NTS: variants seen among roughly 807,000 people sequenced by gnomAD.
NTS encodes the protein neurotensin.
In NTS, 20 loss-of-function variants were observed where a neutral mutation model predicts 19.5. That is an observed-to-expected ratio of 1.02 (90% CI 0.72 to 1.49). The LOEUF (loss-of-function observed/expected upper bound fraction) is 1.49, where lower values mean the gene tolerates loss of function less well. Ranked by LOEUF, NTS falls within the 40% of genes most tolerant of loss-of-function variation. The probability of loss-of-function intolerance (pLI) is 0.00; values close to 1 mark genes in which losing one functional copy is unlikely to be tolerated. For missense variants in NTS, 215 were observed against 193.1 expected (o/e 1.11, Z -0.67); for synonymous variants, 71 against 63.3 (o/e 1.12, Z -0.58).
intron 1 of NTS, 65 bp downstream of exon 1, chr12:85,874,541 C>T (rs1881288050): frequency 1.8e-6 from 2 of 1,114,804 alleles, no homozygotes; most frequent in Non-Finnish European, 2.7e-6. Flanking sequence ...CAGTGTGTTG[C>T]TACTTATGTT....
chr12:85,882,158 A>G, intron 3 of NTS, 65 bp from the exon 4 acceptor site: 1 of 1,287,356 alleles, frequency 7.8e-7, no homozygotes, highest in Non-Finnish European at 1.1e-6. Context: ...TAGAATGTAG[A>G]AAAATGCTCT....
intron 3 of NTS, among the ~76,000 whole-genome samples, chr12:85,879,920 G>C (rs1881464684): frequency 6.9e-6 from 1 of 144,560 alleles, no homozygotes; most frequent in Non-Finnish European, 1.5e-5. Flanking sequence ...TAAAAATATA[G>C]AATAAGGATA....
In NTS at chr12:85,876,514, T is replaced by G. The variant is rs539897879; in HGVS notation, c.74-126T>G. ...TAATTTGTTTTTTAGGATTACTATTTTTAAGAAAATACATAAGAAAGACAC... is the reference window on the plus strand; with the variant it reads ...TAATTTGTTTTTTAGGATTACTATTGTTAAGAAAATACATAAGAAAGACAC... On this transcript the variant is annotated intron_variant, in intron 1 of 3. Coordinates refer to ENST00000256010, the MANE Select transcript of NTS (RefSeq NM_006183.5). 1.1e-5 allele frequency: 5 copies of G among 474,076 alleles called. No individual in the cohort carries two copies. The East Asian group carries it at 1.7e-4, about 17-fold the overall frequency. The allele number at this position is 474,076 out of a possible 1,614,324, so 29.4% of individuals were successfully genotyped here.
At position 85,879,121 on chromosome 12, in the gene NTS, TTTTTATGTATA is replaced by T. The variant is rs1330399587; in HGVS notation, c.360+562_360+572del. On this transcript the variant is annotated intron_variant, in intron 3 of 3. Transcript: ENST00000256010. ...GTATATTTTATGTACGTAAAATATA[TTTTTATGTATA>T]TTTTATGTACGTAAAATATATTTTT... 9.0e-4 allele frequency among the ~76,000 whole-genome samples: 3 copies of T among 3,338 alleles called. No homozygotes were observed. The African/African-American group carries it at 0.01, about 11-fold the overall frequency. 2.2% of individuals were successfully genotyped at this position (3,338 alleles called of 152,430 possible).
chr12:85,881,689 A>C (rs1017484354), intron 3 of NTS, among the ~76,000 whole-genome samples: 1 of 152,058 alleles, frequency 6.6e-6, no homozygotes, highest in East Asian at 1.9e-4. Flanking sequence ...GGATAAAGCA[A>C]CTTTCATCCC....
At position 85,879,783 on chromosome 12, in the gene NTS, T is replaced by TA. The variant is rs1272047263; in HGVS notation, c.360+1214_360+1215insA. Among the ~76,000 whole-genome samples, 677 of 128,918 alleles carry TA rather than the reference T, an allele frequency of 5.3e-3. 104 individuals are homozygous for TA. The highest frequency in any genetic ancestry group is 8.0e-3 in the Non-Finnish European group (447 of 56,156). 84.6% of individuals were successfully genotyped at this position (128,918 alleles called of 152,430 possible). A position where few individuals can be genotyped will look rare whatever the true frequency, so the allele number is the denominator to read the frequency against. On this transcript the variant is annotated intron_variant, in intron 3 of 3. Coordinates refer to ENST00000256010, the MANE Select transcript of NTS (RefSeq NM_006183.5). ...TATTTTTGTATATAAAATATATTTT[T>TA]TGTATATTTTTGTATATAAAATATA...
At chr12:85,881,356 G>A (rs1881498635) in intron 3 of NTS, among the ~76,000 whole-genome samples, 1 of 151,950 alleles carries the variant, frequency 6.6e-6, no homozygotes, top group South Asian at 2.1e-4. Flanking sequence ...CAAATTAGAA[G>A]ACAACCAAAA....
At chr12:85,876,408 C>T (rs1289204941) in intron 1 of NTS, among the ~76,000 whole-genome samples, 1 of 151,886 alleles carries the variant, frequency 6.6e-6, no homozygotes, top group Non-Finnish European at 1.5e-5. Flanking sequence ...TGATCAATAG[C>T]TGTCTGAAAA....
chr12:85,877,771 T>G (rs952292357), intron 2 of NTS, among the ~76,000 whole-genome samples: 2 of 152,060 alleles, frequency 1.3e-5, no homozygotes, highest in African/African-American at 4.8e-5. Flanking sequence ...ACAACTGAAG[T>G]TAATAGTCCG....
chr12:85,880,652 A>G (rs1172412972), intron 3 of NTS, among the ~76,000 whole-genome samples: 2 of 152,216 alleles, frequency 1.3e-5, no homozygotes, highest in African/African-American at 4.8e-5. Context: ...TAAATTGTTT[A>G]GTATTTAAAA....
chr12:85,874,730 C>A (rs1472575599), intron 1 of NTS, among the ~76,000 whole-genome samples: 4 of 152,036 alleles, frequency 2.6e-5, no homozygotes, highest in Non-Finnish European at 5.9e-5. Flanking sequence ...TGGAATTCAA[C>A]AACTAGAGGG....
rs1308919862 is a variant in NTS, at chr12:85,878,405, A to G, written c.196A>G (p.Asn66Asp). ...MTLLNVCSLV[N>D]NLNSPAEETG... ...TCTGCTAAATGTTTGCAGTCTTGTA[A>G]ATAATTTGAACAGCCCAGCTGAGGA... The change falls in exon 3 of 4, where the codon AAT (asparagine) becomes GAT (aspartate). Residue 66 changes from asparagine (N) to aspartate (D), a missense_variant. Asn to Asp is a conservative substitution (Grantham distance 23, BLOSUM62 1). Coordinates refer to ENST00000256010, the MANE Select transcript of NTS (RefSeq NM_006183.5). 1 of 1,613,516 alleles carries G rather than the reference A, an allele frequency of 6.2e-7. No homozygotes were observed. Among genetic ancestry groups the G allele is most frequent in the Non-Finnish European group, 8.5e-7 (1 of 1,179,684 alleles).
rs907342289 is a variant in NTS, at chr12:85,882,568, T to C, written c.*193T>C. 10 of 498,318 alleles carry C rather than the reference T, an allele frequency of 2.0e-5. No individual in the cohort carries two copies. The highest frequency in any genetic ancestry group is 1.8e-4 in the African/African-American group (9 of 49,814). 30.9% of individuals were successfully genotyped at this position (498,318 alleles called of 1,614,324 possible). A position where few individuals can be genotyped will look rare whatever the true frequency, so the allele number is the denominator to read the frequency against. On this transcript the variant is annotated 3_prime_UTR_variant, in exon 4 of 4. Coordinates refer to ENST00000256010, the MANE Select transcript of NTS (RefSeq NM_006183.5). ...AAATAAATCTAAATCTTCAGCATGA[T>C]GTGTTGTGTATAATTGGAGTAGATA...
intron 3 of NTS, among the ~76,000 whole-genome samples, chr12:85,879,903 A>T (rs1002754001): frequency 2.7e-5 from 4 of 147,042 alleles, no homozygotes; most frequent in African/African-American, 9.8e-5. Context: ...AATATATTTT[A>T]TGTATATAAA....
At chr12:85,877,530 T>C (rs996740689) in intron 2 of NTS, among the ~76,000 whole-genome samples, 1 of 151,920 alleles carries the variant, frequency 6.6e-6, no homozygotes, top group Non-Finnish European at 1.5e-5. Context: ...CTGGGGTACA[T>C]GGGCAGGATG....
At chr12:85,875,135 A>C (rs1881311483) in intron 1 of NTS, among the ~76,000 whole-genome samples, 1 of 152,174 alleles carries the variant, frequency 6.6e-6, no homozygotes, top group Admixed American at 6.5e-5. Flanking sequence ...TACAATTGGA[A>C]AATTGGTATT....
intron 2 of NTS, among the ~76,000 whole-genome samples, chr12:85,876,982 A>G (rs192688548): frequency 4.5e-4 from 68 of 152,272 alleles, no homozygotes; most frequent in African/African-American, 1.6e-3. Context: ...ACTTGCTTCC[A>G]TGCCTTTTAC....
rs780890628 is a variant in NTS, at chr12:85,878,494, CT to C, written c.288del (p.Phe96LeufsTer7). On this transcript the variant is annotated frameshift_variant, in exon 3 of 4. Coordinates refer to ENST00000256010, the MANE Select transcript of NTS (RefSeq NM_006183.5). LOFTEE classifies it high-confidence loss of function. ...RRKLPTALDG[F>X]SLEAMLTIYQ... ...GGAAACTTCCTACTGCTTTAGATGG[CT>C]TTAGCTTGGAAGCAATGTTGACAAT... 1 of 1,613,872 alleles carries C rather than the reference CT, an allele frequency of 6.2e-7. No individual in the cohort carries two copies. The highest frequency in any genetic ancestry group is 1.1e-5 in the South Asian group (1 of 91,064).
rs1178494610 is a variant in NTS, at chr12:85,878,551, G to GGCTTTT, written c.343_348dup (p.Ala115_Phe116dup). 6.2e-7 allele frequency: 1 copy of GGCTTTT among 1,609,326 alleles called. No individual in the cohort carries two copies. Among genetic ancestry groups the GGCTTTT allele is most frequent in the Non-Finnish European group, 8.5e-7 (1 of 1,177,200 alleles). Reference sequence around the variant, plus strand: ...AGCTCCACAAAATCTGTCACAGCAGGGCTTTTCAACACTGGGAGGTATAGC... The same window carrying GGCTTTT: ...AGCTCCACAAAATCTGTCACAGCAGGGCTTTTGCTTTTCAACACTGGGAGGTATAGC... On this transcript the variant is annotated inframe_insertion, in exon 3 of 4. Transcript: ENST00000256010.
Sources: allele counts gnomAD v4.1 joint callset (sites outside exome capture counted in the v4.1 genomes callset), GRCh38; gene constraint gnomAD v4.1.1; transcripts MANE v1.5; gene names NCBI Gene and HGNC (gene_info 2026-07-23, HGNC 2026-07-21).